The following CITED1 variants were observed in gnomAD, a reference collection of about 807,000 sequenced individuals.
The protein encoded by CITED1 is Cbp/p300 interacting transactivator with ED-rich tail 1, also known as cbp/p300-interacting transactivator 1.
A neutral mutation model predicts 8.5 loss-of-function variants in CITED1; 3 were observed. The ratio of observed to expected loss-of-function variants is 0.35; its 90% CI spans 0.16 to 0.91. The LOEUF (loss-of-function observed/expected upper bound fraction) is 0.91. CITED1 is among the 40% of genes least tolerant of loss of function. CITED1 has a pLI of 0.46. For synonymous variants in CITED1, 54 were observed against 67.4 expected, an observed-to-expected ratio of 0.80 and a Z score of 0.97; for missense variants, 113 against 154.8, an observed-to-expected ratio of 0.73 and a Z score of 1.43.
Position 72,304,666 on chromosome X carries a change from A to C in CITED1, c.-66+1159T>G, listed in dbSNP as rs1602479568. On this transcript the variant is annotated intron_variant, in intron 1 of 2. Coordinates refer to ENST00000651998, the MANE Select transcript of CITED1 (RefSeq NM_001144887.2). ...AGCAGCAGCAACAACAGCAAAACCA[A>C]AAGAGAAACATTAGAAAAATCAAAA... Among the ~76,000 whole-genome samples, 3 of 111,895 alleles carry C rather than the reference A, an allele frequency of 2.7e-5. No individual in the cohort carries two copies. In the South Asian group the frequency reaches 1.1e-3, roughly 42 times the overall value.
At position 72,301,873 on chromosome X, in the gene CITED1, G is replaced by A. The variant is rs2043289730; in HGVS notation, c.432C>T (p.Ser144=). 8.3e-7 allele frequency: 1 copy of A among 1,210,549 alleles called. No individual in the cohort carries two copies. The highest frequency in any genetic ancestry group is 1.8e-5 in the South Asian group (1 of 56,812). ...CTGGGTCCGAATCGATGATAGCAGG[G>A]CTCTGGGCACCAGCAGAAGGAGAGA... ...ESLSPSAGAQ[S]PAIIDSDPVD... The change falls in exon 3 of 3, where the codon AGC becomes AGT. Residue 144 remains serine, a synonymous_variant. Transcript: ENST00000651998.
intron 1 of CITED1, chrX:72,304,040 C>A (rs2043313137): frequency 2.6e-6 from 1 of 388,023 alleles, no homozygotes. Flanking sequence ...CATAGCGGGA[C>A]CCTATCTCTT....
At chrX:72,304,553 T>C (rs1482156170) in intron 1 of CITED1, among the ~76,000 whole-genome samples, 1 of 111,520 alleles carries the variant, frequency 9.0e-6, no homozygotes, top group Admixed American at 9.5e-5. Context: ...CTGGGGGCCC[T>C]GTCCATCTTT....
intron 1 of CITED1, 38 bp from the exon 2 acceptor site, chrX:72,302,972 C>T: frequency 8.4e-7 from 1 of 1,190,292 alleles, no homozygotes; most frequent in Non-Finnish European, 1.1e-6. Flanking sequence ...GGGCAAAAGG[C>T]TTCACTGACC....
At chrX:72,306,820 C>T (rs1404636370), upstream of CITED1, 4 of 108,341 alleles carry the variant, frequency 3.7e-5, no homozygotes, top group East Asian at 1.2e-3. Context: ...GGCTCTCAAG[C>T]CCCCATTGCC....
rs1027044732 is a variant in CITED1 at position 72,302,878 on chromosome X, C to T, written c.-9G>A. On this transcript the variant is annotated 5_prime_UTR_variant, in exon 2 of 3. Transcript: ENST00000651998. The stretch of plus-strand genomic sequence containing the variant: ...CTCGACGTTGTTGGCATTTCAGAGC[C>T]TTGGCAGAAGTTGGATAAATTGGCG... 8.3e-7 allele frequency: 1 copy of T among 1,211,932 alleles called. No individual in the cohort carries two copies. The highest frequency in any genetic ancestry group is 2.2e-5 in the Admixed American group (1 of 46,121).
intron 1 of CITED1, chrX:72,305,345 A>T: frequency 8.7e-7 from 1 of 1,152,041 alleles, no homozygotes; most frequent in Non-Finnish European, 1.2e-6. Flanking sequence ...TCAGAAGGAG[A>T]AATTTAAAAA....
At chrX:72,302,635 C>T (rs1264298178) in intron 2 of CITED1, among the ~76,000 whole-genome samples, 175 bp downstream of exon 2, 9 of 112,513 alleles carry the variant, frequency 8.0e-5, no homozygotes, top group Non-Finnish European at 1.7e-4. Context: ...TTCAACACCC[C>T]TAGTGGGTTC....
chrX:72,306,613 G>C (rs891785126), upstream of CITED1: 2 of 111,182 alleles, frequency 1.8e-5, no homozygotes, highest in Non-Finnish European at 3.8e-5. Flanking sequence ...AGCGCCCGCG[G>C]CCGCGCCGTT....
At chrX:72,304,123 C>T in intron 1 of CITED1, 1 of 653,645 alleles carries the variant, frequency 1.5e-6, no homozygotes. Flanking sequence ...TTTATAAATA[C>T]CTCTTGGTCC....
chrX:72,305,137 G>C (rs1398461667), intron 1 of CITED1, among the ~76,000 whole-genome samples: 5 of 112,619 alleles, frequency 4.4e-5, no homozygotes, highest in African/African-American at 1.6e-4. Context: ...CCGGCCACCA[G>C]TTCCCAGTCC....
intron 1 of CITED1, among the ~76,000 whole-genome samples, chrX:72,304,529 C>A (rs750537418): frequency 5.2e-4 from 58 of 111,199 alleles, no homozygotes; most frequent in African/African-American, 1.9e-3. Flanking sequence ...ATTTTCCTGT[C>A]CTAAGAAAAA....
intron 1 of CITED1, among the ~76,000 whole-genome samples, chrX:72,305,021 G>A (rs1426220928): frequency 2.7e-5 from 3 of 113,146 alleles, no homozygotes; most frequent in Non-Finnish European, 5.6e-5. Flanking sequence ...AAACGTCCCA[G>A]CCCGCTCTCC....
rs1198260479 is a variant in CITED1, at chrX:72,302,780, C to G, written c.60+30G>C. On this transcript the variant is annotated intron_variant, in intron 2 of 2. Transcript: ENST00000651998. The stretch of plus-strand genomic sequence containing the variant: ...ATGACCCCGGAAAATTTGTCTTTCC[C>G]TGCCTCATCTGTAAAATGGCAAAAA... 7.6e-6 allele frequency: 9 copies of G among 1,180,451 alleles called. No individual in the cohort carries two copies. In the East Asian group the frequency reaches 2.8e-4, roughly 36 times the overall value.
chrX:72,301,884 C>A lies in CITED1; in HGVS notation c.421G>T (p.Gly141Cys). 4 of 1,212,198 alleles carry A rather than the reference C, an allele frequency of 3.3e-6. No homozygotes were observed. The highest frequency in any genetic ancestry group is 4.5e-6 in the Non-Finnish European group (4 of 895,618). Residue 141 changes from glycine to cysteine, a missense_variant, in exon 3 of 3, where the codon GGT becomes TGT. Physicochemically the swap from Gly to Cys is radical, Grantham distance 159. Transcript: ENST00000651998. ...TCGATGATAGCAGGGCTCTGGGCAC[C>A]AGCAGAAGGAGAGAGTGATTCTGCC... The part of the protein sequence containing the change: ...GGAESLSPSA[G>C]AQSPAIIDSD...
upstream of CITED1, chrX:72,306,431 C>G (rs1264472628): frequency 3.6e-5 from 4 of 112,113 alleles, no homozygotes; most frequent in East Asian, 1.1e-3. Flanking sequence ...CGGGAGTCCT[C>G]GGCCCCGCCG....
chrX:72,302,977 C>A, intron 1 of CITED1, 43 bp from the exon 2 acceptor site: 1 of 1,187,921 alleles, frequency 8.4e-7, no homozygotes, highest in Non-Finnish European at 1.1e-6. Flanking sequence ...AAAGGCTTCA[C>A]TGACCAACAA....
At chrX:72,302,735 C>T (rs2043301264) in intron 2 of CITED1, 75 bp downstream of exon 2, 1 of 910,366 alleles carries the variant, frequency 1.1e-6, no homozygotes, top group Admixed American at 2.7e-5. Flanking sequence ...CTGGGTAATG[C>T]ACCTAGGAGG....
intron 2 of CITED1, 122 bp downstream of exon 2, chrX:72,302,688 A>G: frequency 3.2e-6 from 2 of 616,561 alleles, no homozygotes; most frequent in Admixed American, 6.4e-5. Context: ...CATTCTCCCC[A>G]GAGATAGTCC....
Sources: gnomAD v4.1 joint callset for allele counts (sites outside exome capture counted in the v4.1 genomes callset) on GRCh38, gnomAD v4.1.1 for gene constraint, MANE v1.5 for transcripts, NCBI Gene and HGNC (gene_info 2026-07-23, HGNC 2026-07-21) for gene names.